TUBGCP3: variants seen among roughly 807,000 people sequenced by gnomAD.
TUBGCP3 encodes the protein gamma-tubulin complex component 3.
A neutral mutation model predicts 123.1 loss-of-function variants in TUBGCP3; 50 were observed. That is an observed-to-expected ratio of 0.41 (90% CI 0.32 to 0.51). The LOEUF (loss-of-function observed/expected upper bound fraction) is 0.51, where lower values mean the gene tolerates loss of function less well. Ranked by LOEUF, TUBGCP3 falls within the 20% of genes least tolerant of loss-of-function variation. The pLI, the probability that TUBGCP3 is intolerant of heterozygous loss-of-function variation, is 0.36. For missense variants in TUBGCP3, 882 were observed against 1,127.0 expected (o/e 0.78, Z 3.11); for synonymous variants, 405 against 413.9 (o/e 0.98, Z 0.26).
chr13:112,520,825 G>T (rs996004141), intron 14 of TUBGCP3, among the ~76,000 whole-genome samples: 1 of 152,110 alleles, frequency 6.6e-6, no homozygotes, highest in Non-Finnish European at 1.5e-5. Context: ...CTCTAATCGG[G>T]GGTGACCAAG....
At chr13:112,563,108 G>A (rs1476113093) in intron 3 of TUBGCP3, among the ~76,000 whole-genome samples, 1 of 152,158 alleles carries the variant, frequency 6.6e-6, no homozygotes, top group Non-Finnish European at 1.5e-5. Flanking sequence ...ACCCAGCTCA[G>A]GAACAGCACA....
Position 112,547,850 on chromosome 13 carries a change from C to G in TUBGCP3, c.1036-98G>C, listed in dbSNP as rs1212435526. 6 of 1,304,190 alleles carry G rather than the reference C, an allele frequency of 4.6e-6. No homozygotes were observed. In the East Asian group the frequency reaches 1.5e-4, roughly 32 times the overall value. The allele number at this position is 1,304,190 out of a possible 1,614,324, so 80.8% of individuals were successfully genotyped here. A position where few individuals can be genotyped will look rare whatever the true frequency, so the allele number is the denominator to read the frequency against. On this transcript the variant is annotated intron_variant, in intron 9 of 21. Coordinates refer to ENST00000261965, the MANE Select transcript of TUBGCP3 (RefSeq NM_006322.6). ...GTGAACATAAGAAAATGATTATACT[C>G]ATAAAAATGAAGCCAAAGTCCCCTT...
At chr13:112,603,240 T>C in the TUBGCP3 span, 1 of 152,216 alleles carries the variant, frequency 6.6e-6, no homozygotes, top group Non-Finnish European at 1.5e-5. Flanking sequence ...CAGATTTGCA[T>C]ACAAGAAGAA....
At chr13:112,586,670 G>A (rs1371602191) in intron 1 of TUBGCP3, among the ~76,000 whole-genome samples, 1 of 151,760 alleles carries the variant, frequency 6.6e-6, no homozygotes, top group Non-Finnish European at 1.5e-5. Context: ...CTACTTTTTC[G>A]CCACAGTACT....
At chr13:112,591,408 G>A (rs1882880509), upstream of TUBGCP3, among the ~76,000 whole-genome samples, 1 of 152,234 alleles carries the variant, frequency 6.6e-6, no homozygotes, top group South Asian at 2.1e-4. Flanking sequence ...GTCAGTAGAT[G>A]AGGAAGGTCT....
chr13:112,486,167 A>G lies in TUBGCP3; in HGVS notation c.2566-16T>C. ...GCACGATACCCTAAAAAGAAGCAAA[A>G]GGAGTAAAATATTGTTTCAGAAAAG... On this transcript the variant is annotated splice_polypyrimidine_tract_variant and intron_variant, in intron 21 of 21. Transcript: ENST00000261965. 3.1e-6 allele frequency: 5 copies of G among 1,610,286 alleles called. No individual in the cohort carries two copies. Among genetic ancestry groups the G allele is most frequent in the South Asian group, 2.2e-5 (2 of 90,628 alleles).
At chr13:112,489,846 G>T in intron 20 of TUBGCP3, 149 bp from the exon 21 acceptor site, 1 of 614,140 alleles carries the variant, frequency 1.6e-6, no homozygotes, top group Non-Finnish European at 2.9e-6. Flanking sequence ...ATTTTCTGAT[G>T]CCAGACTGCT....
chr13:112,547,475 C>T (rs1053819825), intron 10 of TUBGCP3, 145 bp downstream of exon 10: 6 of 1,299,352 alleles, frequency 4.6e-6, no homozygotes, highest in South Asian at 4.8e-5. Context: ...ACCCTACAAA[C>T]GAGTTCTGAA....
chr13:112,487,563 G>A (rs990430463), intron 21 of TUBGCP3, among the ~76,000 whole-genome samples: 1 of 152,182 alleles, frequency 6.6e-6, no homozygotes, highest in Non-Finnish European at 1.5e-5. Flanking sequence ...CAAAGGATTT[G>A]TAAGTCTGAT....
chr13:112,558,077 T>A, intron 5 of TUBGCP3, 119 bp downstream of exon 5: 1 of 1,113,698 alleles, frequency 9.0e-7, no homozygotes, highest in Non-Finnish European at 1.3e-6. Flanking sequence ...CCCAGAACAC[T>A]GTCTGGCACG....
chr13:112,565,853 T>G (rs1400855733), intron 2 of TUBGCP3, among the ~76,000 whole-genome samples: 6 of 150,922 alleles, frequency 4.0e-5, no homozygotes, highest in Non-Finnish European at 7.4e-5. Context: ...GTGAATGGCA[T>G]GAACCCAGGA....
chr13:112,532,738 G>A (rs1373815127), intron 11 of TUBGCP3, among the ~76,000 whole-genome samples: 1 of 152,200 alleles, frequency 6.6e-6, no homozygotes, highest in Non-Finnish European at 1.5e-5. Flanking sequence ...CCCAAATGCT[G>A]AAAGTGCTTT....
intron 19 of TUBGCP3, among the ~76,000 whole-genome samples, chr13:112,499,510 C>T (rs755892191): frequency 3.3e-5 from 5 of 152,036 alleles, no homozygotes; most frequent in Non-Finnish European, 5.9e-5. Context: ...TGAAGTTCTG[C>T]CCAAATTTCA....
chr13:112,558,271 C>A lies in TUBGCP3; in HGVS notation c.473G>T (p.Gly158Val), dbSNP rs1880217488. Residue 158 changes from glycine to valine, a missense_variant, in exon 5 of 22, where the codon GGC becomes GTC. Coordinates refer to ENST00000261965, the MANE Select transcript of TUBGCP3 (RefSeq NM_006322.6). The stretch of plus-strand genomic sequence containing the variant: ...GCCAATGCTGCTGATGCCACTGCTG[C>A]CCACGCTGCCGGAGCTCTGGGCTGA... ...AQSAQSSGSVGSSGISSIGLC... is the reference protein window; with the variant it reads ...AQSAQSSGSVVSSGISSIGLC... 1 of 1,612,858 alleles carries A rather than the reference C, an allele frequency of 6.2e-7. No homozygotes were observed. Among genetic ancestry groups the A allele is most frequent in the Admixed American group, 1.7e-5 (1 of 60,008 alleles).
chr13:112,596,934 G>A, the TUBGCP3 span, among the ~76,000 whole-genome samples: 1 of 152,130 alleles, frequency 6.6e-6, no homozygotes, highest in African/African-American at 2.4e-5. Context: ...TATGTTCAAA[G>A]GTACTGGAAC....
the TUBGCP3 span, among the ~76,000 whole-genome samples, chr13:112,593,288 C>T: frequency 6.6e-6 from 1 of 152,046 alleles, no homozygotes; most frequent in African/African-American, 2.4e-5. Flanking sequence ...CGTAGTTGTA[C>T]GCACCTGTAA....
chr13:112,494,892 T>C (rs1880425679), intron 20 of TUBGCP3, among the ~76,000 whole-genome samples: 2 of 152,268 alleles, frequency 1.3e-5, no homozygotes, highest in African/African-American at 4.8e-5. Flanking sequence ...TCGATTCAGA[T>C]CCTTTTCCTT....
chr13:112,547,276 T>C (rs1317763208), intron 10 of TUBGCP3: 2 of 398,812 alleles, frequency 5.0e-6, no homozygotes, highest in African/African-American at 4.1e-5. Flanking sequence ...GAGAAATCTT[T>C]AAACACGAGA....
chr13:112,593,921 AATAG>A, the TUBGCP3 span, among the ~76,000 whole-genome samples: 1 of 152,210 alleles, frequency 6.6e-6, no homozygotes. Flanking sequence ...TGTTTAAAAA[AATAG>A]ATAATTTAGA....
Sources: gnomAD v4.1 joint callset for allele counts (sites outside exome capture counted in the v4.1 genomes callset) on GRCh38, gnomAD v4.1.1 for gene constraint, MANE v1.5 for transcripts, NCBI Gene and HGNC (gene_info 2026-07-23, HGNC 2026-07-21) for gene names.